The following TTC8 variants were observed in gnomAD, a reference collection of about 807,000 sequenced individuals.
TTC8 encodes the protein tetratricopeptide repeat protein 8.
TTC8 carries 47 observed loss-of-function variants against 72.5 expected under a neutral mutation model. The ratio of observed to expected loss-of-function variants is 0.65; its 90% CI spans 0.51 to 0.83. The LOEUF (loss-of-function observed/expected upper bound fraction) is 0.83, where lower values mean the gene tolerates loss of function less well. Among genes scored for constraint, TTC8 ranks in the 40% least tolerant of loss-of-function variants. TTC8 has a pLI of 0.00. For missense variants in TTC8, 611 were observed against 623.2 expected (o/e 0.98, Z 0.21); for synonymous variants, 199 against 221.4 (o/e 0.90, Z 0.90).
At chr14:88,846,168 A>G (rs904752489) in intron 7 of TTC8, among the ~76,000 whole-genome samples, 1 of 151,882 alleles carries the variant, frequency 6.6e-6, no homozygotes, top group South Asian at 2.1e-4. Context: ...TTAGCCAGGC[A>G]TGGTGGCACG....
chr14:88,838,273 T>C (rs2094762481), intron 2 of TTC8, among the ~76,000 whole-genome samples: 1 of 152,164 alleles, frequency 6.6e-6, no homozygotes, highest in Non-Finnish European at 1.5e-5. Flanking sequence ...TTCAGGGAAA[T>C]TAGGATCCGT....
At chr14:88,858,957 G>A (rs1340212921) in intron 9 of TTC8, among the ~76,000 whole-genome samples, 1 of 151,850 alleles carries the variant, frequency 6.6e-6, no homozygotes, top group African/African-American at 2.4e-5. Context: ...TTTGGAAAGA[G>A]CTTGAAATTA....
intron 9 of TTC8, among the ~76,000 whole-genome samples, chr14:88,860,857 A>C (rs976411916): frequency 6.8e-6 from 1 of 146,714 alleles, no homozygotes; most frequent in Non-Finnish European, 1.5e-5. Flanking sequence ...CCCAGGCTGG[A>C]GTGCAGTGCG....
chr14:88,831,040 G>A (rs1056818003), intron 1 of TTC8: 7 of 375,040 alleles, frequency 1.9e-5, no homozygotes, highest in Admixed American at 3.4e-5. Context: ...TTTGAGGTAA[G>A]AGACCAACAG....
intron 14 of TTC8, among the ~76,000 whole-genome samples, chr14:88,876,083 C>G (rs1002318615): frequency 6.6e-6 from 1 of 152,204 alleles, no homozygotes; most frequent in Non-Finnish European, 1.5e-5. Flanking sequence ...TAAAAGACTT[C>G]TGCGTCCCTT....
chr14:88,849,977 CT>C (rs1251661993), intron 7 of TTC8, among the ~76,000 whole-genome samples: 1 of 152,034 alleles, frequency 6.6e-6, no homozygotes, highest in Non-Finnish European at 1.5e-5. Flanking sequence ...GAAAGGATGA[CT>C]TTTTTTAAAC....
rs966316608 is a variant in TTC8, at chr14:88,842,920, A to C, written c.580-886A>C. Reference sequence around the variant, plus strand: ...CACTCTTAACTTTTGTTTCTTTATAACAGAACAAATGGAAGGATTGTTATA... The same window carrying C: ...CACTCTTAACTTTTGTTTCTTTATACCAGAACAAATGGAAGGATTGTTATA... On this transcript the variant is annotated intron_variant, in intron 6 of 14. Transcript: ENST00000380656. 1.1e-4 allele frequency among the ~76,000 whole-genome samples: 16 copies of C among 151,762 alleles called. 1 individual carries two copies. The highest frequency in any genetic ancestry group is 2.4e-4 in the African/African-American group (10 of 41,352).
rs766062841 is a variant in TTC8 at position 88,841,122 on chromosome 14, A to G, written c.415A>G (p.Ile139Val). Residue 139 changes from isoleucine to valine, a missense_variant, in exon 5 of 15, where the codon ATC (isoleucine) becomes GTC (valine). Ile to Val is a conservative substitution (Grantham distance 29). Transcript: ENST00000380656. Reference sequence around the variant, plus strand: ...AAGGCCAGGCACTATGGAACAGGCTATCAGAACACCCAGAACCGCCTACAC... The same window carrying G: ...AAGGCCAGGCACTATGGAACAGGCTGTCAGAACACCCAGAACCGCCTACAC... ...SGRPGTMEQA[I>V]RTPRTAYTAR... 2 of 1,614,032 alleles carry G rather than the reference A, an allele frequency of 1.2e-6. No individual in the cohort carries two copies. Among genetic ancestry groups the G allele is most frequent in the Admixed American group, 3.3e-5 (2 of 59,978 alleles).
intron 7 of TTC8, chr14:88,846,937 C>T (rs1733101889): frequency 4.1e-6 from 1 of 244,826 alleles, no homozygotes; most frequent in South Asian, 7.6e-5. Context: ...GCAGGGCTAG[C>T]AAACTTAGAA....
chr14:88,837,021 A>T (rs909300903), intron 2 of TTC8: 1 of 270,608 alleles, frequency 3.7e-6, no homozygotes, highest in Middle Eastern at 1.3e-3. Flanking sequence ...AGATCACGCC[A>T]TTGTACTCCA....
rs1287149528 is a variant in TTC8, at chr14:88,871,229, A to G, written c.1050-320A>G. Among the ~76,000 whole-genome samples the G allele has an allele frequency of 6.6e-6, 1 of 152,210 alleles. No individual in the cohort carries two copies. Among genetic ancestry groups the G allele is most frequent in the African/African-American group, 2.4e-5 (1 of 41,450 alleles). On this transcript the variant is annotated intron_variant, in intron 11 of 14. Transcript: ENST00000380656. The surrounding 1 kb of genome is among the most constrained non-coding windows in gnomAD (Gnocchi z 4.1). ...TACCCTATGGGCAGCAAAGCTTTAT[A>G]AAGCTGAAGTGTGTGGGCGTTACTT...
chr14:88,873,005 T>TA (rs2094941815), intron 13 of TTC8, among the ~76,000 whole-genome samples: 1 of 152,238 alleles, frequency 6.6e-6, no homozygotes, highest in Non-Finnish European at 1.5e-5. Flanking sequence ...CACTCTATGA[T>TA]ACACTCTTCT....
intron 7 of TTC8, among the ~76,000 whole-genome samples, chr14:88,848,212 C>T (rs1442391104): frequency 7.6e-6 from 1 of 130,996 alleles, no homozygotes; most frequent in African/African-American, 2.9e-5. Context: ...AGAAAATTTA[C>T]ATTAGAAAAA....
At chr14:88,825,413 A>G (rs1159757245) in intron 1 of TTC8, among the ~76,000 whole-genome samples, 1 of 152,214 alleles carries the variant, frequency 6.6e-6, no homozygotes, top group African/African-American at 2.4e-5. Flanking sequence ...AGGCAAGGGA[A>G]GCTCTAATTG....
At chr14:88,831,613 A>G (rs895406200) in intron 1 of TTC8, among the ~76,000 whole-genome samples, 1 of 152,192 alleles carries the variant, frequency 6.6e-6, no homozygotes, top group Non-Finnish European at 1.5e-5. Context: ...GTATACCTAT[A>G]ACTCAGAGGG....
At chr14:88,856,133 T>A (rs1183683135) in intron 8 of TTC8, among the ~76,000 whole-genome samples, 1 of 152,208 alleles carries the variant, frequency 6.6e-6, no homozygotes, top group Non-Finnish European at 1.5e-5. Context: ...ATATATATGT[T>A]GGTTTTCAGA....
Position 88,846,589 on chromosome 14 carries a change from T to A in TTC8, c.624+2739T>A, listed in dbSNP as rs769278536. On this transcript the variant is annotated intron_variant, in intron 7 of 14. Coordinates refer to ENST00000380656, the MANE Select transcript of TTC8 (RefSeq NM_144596.4). The stretch of plus-strand genomic sequence containing the variant: ...TGTAGGTCATGGTGACAATGTTTTT[T>A]ATTAATAGATTCATCTTGAAGATGT... 15 of 1,398,620 alleles carry A rather than the reference T, an allele frequency of 1.1e-5. No individual in the cohort carries two copies. Among genetic ancestry groups the A allele is most frequent in the Admixed American group, 4.2e-5 (2 of 47,546 alleles). 86.6% of individuals were successfully genotyped at this position (1,398,620 alleles called of 1,614,324 possible).
intron 8 of TTC8, among the ~76,000 whole-genome samples, chr14:88,856,772 G>C (rs1162279221): frequency 1.3e-5 from 2 of 152,200 alleles, no homozygotes; most frequent in Admixed American, 1.3e-4. Context: ...TTTTAAAAAT[G>C]TGCTTTTGTC....
At chr14:88,834,619 C>T (rs1407032151) in intron 2 of TTC8, among the ~76,000 whole-genome samples, 2 of 152,062 alleles carry the variant, frequency 1.3e-5, no homozygotes, top group Non-Finnish European at 2.9e-5. Context: ...AAATGTGGCA[C>T]TGTGTTCTTT....
Sources: gnomAD v4.1 joint callset for allele counts (sites outside exome capture counted in the v4.1 genomes callset) on GRCh38, gnomAD v4.1.1 for gene constraint, Gnocchi (gnomAD v3.1) non-coding constraint, MANE v1.5 for transcripts, NCBI Gene and HGNC (gene_info 2026-07-23, HGNC 2026-07-21) for gene names.